Variants in UGT1A8 observed in about 807,000 individuals in gnomAD.
UGT1A8 encodes the protein UDP-glucuronosyltransferase 1A8.
A neutral mutation model predicts 45.3 loss-of-function variants in UGT1A8; 39 were observed. The ratio of observed to expected loss-of-function variants is 0.86; its 90% CI spans 0.67 to 1.12. The LOEUF (loss-of-function observed/expected upper bound fraction) is 1.12, where lower values mean the gene tolerates loss of function less well. Ranked by LOEUF, UGT1A8 falls within the 50% of genes most tolerant of loss-of-function variation. The pLI is 0.00. For synonymous variants in UGT1A8, 275 were observed against 249.2 expected (o/e 1.10, Z -0.97); for missense variants, 719 against 664.9 (o/e 1.08, Z -0.90).
intron 1 of UGT1A8, chr2:233,671,915 C>G (rs2074202240): frequency 1.9e-6 from 3 of 1,586,444 alleles, no homozygotes; most frequent in Non-Finnish European, 2.6e-6. Context: ...CAGCTGCTTG[C>G]TCTCAGCTGC....
intron 1 of UGT1A8, among the ~76,000 whole-genome samples, chr2:233,665,302 T>C (rs560856399): frequency 6.6e-6 from 1 of 152,340 alleles, no homozygotes; most frequent in South Asian, 2.1e-4. Context: ...TTTTCCAAAT[T>C]TGTCTTTTTG....
Position 233,743,622 on chromosome 2 carries a change from C to T in UGT1A8, c.856-23412C>T, listed in dbSNP as rs146398257. On this transcript the variant is annotated intron_variant, in intron 1 of 4. Coordinates refer to ENST00000373450, the MANE Select transcript of UGT1A8 (RefSeq NM_019076.5). ...TGGCCGCCGAAGAACTCCCTGAAGACGTCGGCTGGGTCGCGGAAGCTGAAG... is the reference window on the plus strand; with the variant it reads ...TGGCCGCCGAAGAACTCCCTGAAGATGTCGGCTGGGTCGCGGAAGCTGAAG... 1.1e-3 allele frequency: 1,535 copies of T among 1,367,328 alleles called. 50 individuals are homozygous for T. In the African/African-American group the frequency reaches 0.021, roughly 19 times the overall value. 84.7% of individuals were successfully genotyped at this position (1,367,328 alleles called of 1,614,324 possible). A position where few individuals can be genotyped will look rare whatever the true frequency, so the allele number is the denominator to read the frequency against.
intron 1 of UGT1A8, among the ~76,000 whole-genome samples, chr2:233,628,254 G>C (rs1365918045): frequency 6.6e-6 from 1 of 151,908 alleles, no homozygotes; most frequent in African/African-American, 2.4e-5. Flanking sequence ...ATCTGCACAT[G>C]GTTTCTGCAG....
At chr2:233,643,304 G>A (rs2073507042) in intron 1 of UGT1A8, among the ~76,000 whole-genome samples, 1 of 152,084 alleles carries the variant, frequency 6.6e-6, no homozygotes, top group African/African-American at 2.4e-5. Flanking sequence ...TATTTGCAAA[G>A]ACAGAGGAGC....
intron 1 of UGT1A8, among the ~76,000 whole-genome samples, chr2:233,753,908 C>T (rs1252814204): frequency 6.6e-6 from 1 of 152,246 alleles, no homozygotes; most frequent in South Asian, 2.1e-4. Context: ...CTTCTTACAC[C>T]GATTTCAGCT....
chr2:233,646,494 C>T (rs1229102581), intron 1 of UGT1A8, among the ~76,000 whole-genome samples: 1 of 152,212 alleles, frequency 6.6e-6, no homozygotes. Context: ...ATGCCTTTAA[C>T]AGCACCCAAA....
At chr2:233,747,652 A>G in intron 1 of UGT1A8, 1 of 1,589,470 alleles carries the variant, frequency 6.3e-7, no homozygotes, top group East Asian at 2.2e-5. Flanking sequence ...ACTTCCTTCG[A>G]TGTGGTTTTA....
intron 1 of UGT1A8, among the ~76,000 whole-genome samples, chr2:233,669,769 C>T (rs1190907537): frequency 3.9e-5 from 6 of 152,092 alleles, no homozygotes; most frequent in Admixed American, 1.3e-4. Flanking sequence ...ATGCAACCTC[C>T]GCTTCCCGGG....
chr2:233,761,438 A>G (rs1335864417), intron 1 of UGT1A8, among the ~76,000 whole-genome samples: 1 of 152,232 alleles, frequency 6.6e-6, no homozygotes, highest in East Asian at 1.9e-4. Flanking sequence ...CCATAGGCAC[A>G]GAATGCTGGG....
intron 1 of UGT1A8, among the ~76,000 whole-genome samples, chr2:233,624,671 G>A (rs2073063031): frequency 6.6e-6 from 1 of 152,034 alleles, no homozygotes; most frequent in South Asian, 2.1e-4. Flanking sequence ...TTGTAGGTCT[G>A]CTACATTACC....
chr2:233,712,975 C>T (rs558021110), intron 1 of UGT1A8: 154 of 1,613,050 alleles, frequency 9.5e-5, no homozygotes, highest in Middle Eastern at 7.8e-4. Context: ...AGTCAGCTGT[C>T]GGTGGCTTCT....
intron 1 of UGT1A8, among the ~76,000 whole-genome samples, chr2:233,711,847 GC>G: frequency 6.6e-6 from 1 of 152,180 alleles, no homozygotes; most frequent in Non-Finnish European, 1.5e-5. Context: ...CAGCAATCTT[GC>G]CAAGCACAAG....
chr2:233,638,450 T>A (rs1229142170), intron 1 of UGT1A8, among the ~76,000 whole-genome samples: 1 of 152,206 alleles, frequency 6.6e-6, no homozygotes, highest in Non-Finnish European at 1.5e-5. Context: ...CATCTGCAAG[T>A]AATTCCCTTG....
rs572041425 is a variant in UGT1A8, at chr2:233,668,058, C to T, written c.855+49496C>T. Among the ~76,000 whole-genome samples, 445 of 99,362 alleles carry T rather than the reference C, an allele frequency of 4.5e-3. 2 individuals are homozygous for T. The highest frequency in any genetic ancestry group is 0.021 in the African/African-American group (393 of 18,418). The allele number at this position is 99,362 out of a possible 152,430, so 65.2% of individuals were successfully genotyped here. Reference sequence around the variant, plus strand: ...TTGCTAAATGTTAGTTTACTGTGCACATTTTTTTTTATTATACTTTAAGTT... The same window carrying T: ...TTGCTAAATGTTAGTTTACTGTGCATATTTTTTTTTATTATACTTTAAGTT... On this transcript the variant is annotated intron_variant, in intron 1 of 4. Coordinates refer to ENST00000373450, the MANE Select transcript of UGT1A8 (RefSeq NM_019076.5).
At chr2:233,624,568 A>G (rs2073062273) in intron 1 of UGT1A8, among the ~76,000 whole-genome samples, 1 of 152,130 alleles carries the variant, frequency 6.6e-6, no homozygotes, top group Non-Finnish European at 1.5e-5. Context: ...ATTCTGCTCC[A>G]TTGAAATATT....
intron 1 of UGT1A8, among the ~76,000 whole-genome samples, chr2:233,655,762 T>G (rs2073841258): frequency 6.6e-6 from 1 of 152,174 alleles, no homozygotes; most frequent in Non-Finnish European, 1.5e-5. Context: ...CAGAGCCCCA[T>G]CCCTGCAAGA....
intron 1 of UGT1A8, chr2:233,636,783 C>T (rs1330678260): frequency 3.1e-6 from 5 of 1,614,204 alleles, no homozygotes; most frequent in Non-Finnish European, 4.2e-6. Flanking sequence ...AAGATCAGAA[C>T]CGGGAATTCA....
Position 233,772,549 on chromosome 2 carries a change from A to G in UGT1A8, c.1583A>G (p.Lys528Arg), listed in dbSNP as rs1196632178. Residue 528 changes from lysine to arginine, a missense_variant, in exon 5 of 5, where the codon AAG (lysine) becomes AGG (arginine). By Grantham distance (26) the Lys-to-Arg change is conservative (BLOSUM62 2). Coordinates refer to ENST00000373450, the MANE Select transcript of UGT1A8 (RefSeq NM_019076.5). ...CGAGTTAAGAAAGCCCACAAATCCA[A>G]GACCCATTGAGAAGTGGGTGGGAAA... ...KGRVKKAHKS[K>R]TH 6.2e-7 allele frequency: 1 copy of G among 1,614,094 alleles called. No individual in the cohort carries two copies. The highest frequency in any genetic ancestry group is 8.5e-7 in the Non-Finnish European group (1 of 1,179,962).
intron 1 of UGT1A8, among the ~76,000 whole-genome samples, chr2:233,673,975 G>C (rs948361340): frequency 2.0e-5 from 3 of 152,018 alleles, no homozygotes; most frequent in Non-Finnish European, 4.4e-5. Context: ...TTTTAAATAG[G>C]GATTCAATCA....
Sources: allele counts gnomAD v4.1 joint callset (sites outside exome capture counted in the v4.1 genomes callset), GRCh38; gene constraint gnomAD v4.1.1; transcripts MANE v1.5; gene names NCBI Gene and HGNC (gene_info 2026-07-23, HGNC 2026-07-21).